Variants in ATRNL1 observed in about 807,000 individuals in gnomAD.
ATRNL1 encodes attractin like 1.
In ATRNL1, 95 loss-of-function variants were observed where a neutral mutation model predicts 182.7. The ratio of observed to expected loss-of-function variants is 0.52; its 90% CI spans 0.44 to 0.62. The LOEUF (loss-of-function observed/expected upper bound fraction) is 0.62. ATRNL1 is among the 20% of genes least tolerant of loss of function. ATRNL1 has a pLI of 0.00. For synonymous variants in ATRNL1, 576 were observed against 568.3 expected (o/e 1.01, Z -0.19); for missense variants, 1,471 against 1,679.5 (o/e 0.88, Z 2.17).
At chr10:115,298,770 T>TA (rs1853328076) in intron 15 of ATRNL1, among the ~76,000 whole-genome samples, 1 of 152,134 alleles carries the variant, frequency 6.6e-6, no homozygotes, top group East Asian at 1.9e-4. Flanking sequence ...ATTTTTATTC[T>TA]AATGAATTTT....
chr10:115,719,750 T>C (rs1363455550), intron 26 of ATRNL1, among the ~76,000 whole-genome samples: 1 of 152,020 alleles, frequency 6.6e-6, no homozygotes, highest in Non-Finnish European at 1.5e-5. Context: ...TATCCAGAGA[T>C]ACAAAGCTTA....
Position 115,301,966 on chromosome 10 carries a change from G to A in ATRNL1, c.2741G>A (p.Arg914Gln), listed in dbSNP as rs1554924686. ...MECMWCSSTK[R>Q]CVDSNAYIIS... ...TGTATGTGGTGCAGCAGTACGAAACGATGTGTTGACTCTAATGCCTATATC... is the reference window on the plus strand; with the variant it reads ...TGTATGTGGTGCAGCAGTACGAAACAATGTGTTGACTCTAATGCCTATATC... Residue 914 changes from arginine to glutamine, a missense_variant, in exon 17 of 29, where the codon CGA becomes CAA. Transcript: ENST00000355044. 4 of 1,614,110 alleles carry A rather than the reference G, an allele frequency of 2.5e-6. No individual in the cohort carries two copies. The highest frequency in any genetic ancestry group is 1.7e-5 in the Admixed American group (1 of 60,018).
chr10:115,200,767 G>C (rs1286354887), intron 8 of ATRNL1, among the ~76,000 whole-genome samples: 13 of 143,516 alleles, frequency 9.1e-5, no homozygotes, highest in Non-Finnish European at 1.7e-4. Flanking sequence ...TGGGTCAAAT[G>C]GTATTTCTAG....
At chr10:115,733,183 TTG>T (rs1947850693) in intron 27 of ATRNL1, among the ~76,000 whole-genome samples, 2 of 152,168 alleles carry the variant, frequency 1.3e-5, no homozygotes, top group African/African-American at 4.8e-5. Flanking sequence ...TTAAAGACAG[TTG>T]TTTACAGCAT....
chr10:115,899,584 A>T (rs1247303679), intron 28 of ATRNL1, among the ~76,000 whole-genome samples: 2 of 152,206 alleles, frequency 1.3e-5, no homozygotes, highest in Non-Finnish European at 2.9e-5. Context: ...CCGGGATTAC[A>T]GGCCTGAACC....
At chr10:115,557,755 A>T (rs1473285632) in intron 26 of ATRNL1, among the ~76,000 whole-genome samples, 1 of 152,162 alleles carries the variant, frequency 6.6e-6, no homozygotes, top group African/African-American at 2.4e-5. Flanking sequence ...TCTTTAAAAA[A>T]CAAACAACCG....
chr10:115,316,249 G>C (rs1854295496), intron 18 of ATRNL1, among the ~76,000 whole-genome samples: 1 of 152,102 alleles, frequency 6.6e-6, no homozygotes, highest in Non-Finnish European at 1.5e-5. Context: ...GAGGATGATG[G>C]CTTCCAGCTT....
chr10:115,148,744 GTT>G (rs71010009), intron 5 of ATRNL1, among the ~76,000 whole-genome samples: 1,324 of 116,716 alleles, frequency 0.011, 13 homozygotes, highest in African/African-American at 0.039. Flanking sequence ...GGCCAGATGC[GTT>G]TTTTTTTTTT....
intron 25 of ATRNL1, among the ~76,000 whole-genome samples, chr10:115,541,365 A>G (rs1382485044): frequency 6.6e-6 from 1 of 152,244 alleles, no homozygotes; most frequent in African/African-American, 2.4e-5. Flanking sequence ...TAATACCATT[A>G]TATACCTACT....
At chr10:115,368,319 C>CCCTG (rs1857182228) in intron 19 of ATRNL1, among the ~76,000 whole-genome samples, 1 of 152,196 alleles carries the variant, frequency 6.6e-6, no homozygotes, top group African/African-American at 2.4e-5. Context: ...TTCTTTGACT[C>CCCTG]GGAAAGGGAA....
At chr10:115,336,604 A>G (rs1296461002) in intron 19 of ATRNL1, among the ~76,000 whole-genome samples, 1 of 152,208 alleles carries the variant, frequency 6.6e-6, no homozygotes, top group Non-Finnish European at 1.5e-5. Flanking sequence ...ACTGTCGTGT[A>G]TTTAATATAA....
At chr10:115,368,871 G>A (rs111921399) in intron 19 of ATRNL1, among the ~76,000 whole-genome samples, 17 of 151,938 alleles carry the variant, frequency 1.1e-4, no homozygotes, top group African/African-American at 2.7e-4. Context: ...CCACCACCAC[G>A]CCTGGCTAAT....
At chr10:115,302,467 T>C (rs1853520868) in intron 17 of ATRNL1, among the ~76,000 whole-genome samples, 1 of 152,190 alleles carries the variant, frequency 6.6e-6, no homozygotes, top group African/African-American at 2.4e-5. Context: ...GTTTCTCAAT[T>C]TGGATTTGTC....
At chr10:115,804,610 G>A (rs1345571997) in intron 27 of ATRNL1, among the ~76,000 whole-genome samples, 1 of 152,156 alleles carries the variant, frequency 6.6e-6, no homozygotes, top group Non-Finnish European at 1.5e-5. Context: ...AACGTTTGTT[G>A]TTTAAGCCGC....
chr10:115,340,799 C>T (rs1490626620), intron 19 of ATRNL1, among the ~76,000 whole-genome samples: 2 of 151,716 alleles, frequency 1.3e-5, no homozygotes, highest in Admixed American at 1.3e-4. Context: ...TCTAGATGTT[C>T]CAGTTTATTG....
intron 15 of ATRNL1, among the ~76,000 whole-genome samples, 193 bp from the exon 16 acceptor site, chr10:115,299,841 A>T (rs925431280): frequency 1.3e-5 from 2 of 152,216 alleles, no homozygotes; most frequent in African/African-American, 4.8e-5. Context: ...TGTTTTAAAA[A>T]CAGTGTTCTA....
intron 20 of ATRNL1, among the ~76,000 whole-genome samples, chr10:115,417,137 G>C (rs1312959305): frequency 6.6e-6 from 1 of 152,188 alleles, no homozygotes; most frequent in African/African-American, 2.4e-5. Context: ...GCCCAGAAAT[G>C]GCCCTGATCC....
intron 21 of ATRNL1, among the ~76,000 whole-genome samples, chr10:115,456,715 C>T (rs547003912): frequency 6.6e-6 from 1 of 152,224 alleles, no homozygotes; most frequent in South Asian, 2.1e-4. Flanking sequence ...CCTGTCTTTA[C>T]TTCATCCTCT....
At chr10:115,701,620 A>G (rs1373798435) in intron 26 of ATRNL1, among the ~76,000 whole-genome samples, 1 of 152,156 alleles carries the variant, frequency 6.6e-6, no homozygotes, top group East Asian at 1.9e-4. Flanking sequence ...AGATGATATT[A>G]CAGCCAATCC....
Sources: allele counts gnomAD v4.1 joint callset (sites outside exome capture counted in the v4.1 genomes callset), GRCh38; gene constraint gnomAD v4.1.1; transcripts MANE v1.5; gene names NCBI Gene and HGNC (gene_info 2026-07-23, HGNC 2026-07-21).